PCDHGA2: variants seen among roughly 807,000 people sequenced by gnomAD.
PCDHGA2 encodes protocadherin gamma subfamily A, 2.
PCDHGA2 carries 40 observed loss-of-function variants against 59.2 expected under a neutral mutation model. The observed-to-expected ratio is 0.68, with a 90% CI of 0.52 to 0.88. The LOEUF (loss-of-function observed/expected upper bound fraction) is 0.88. Ranked by LOEUF, PCDHGA2 falls within the 40% of genes least tolerant of loss-of-function variation. PCDHGA2 has a pLI of 0.00. For synonymous variants in PCDHGA2, 560 were observed against 526.0 expected (o/e 1.06, Z -0.89); for missense variants, 1,226 against 1,204.0 (o/e 1.02, Z -0.27).
At chr5:141,383,967 C>G in intron 1 of PCDHGA2, 1 of 1,613,458 alleles carries the variant, frequency 6.2e-7, no homozygotes, top group Non-Finnish European at 8.5e-7. Context: ...GTAGCTCAAT[C>G]CCTGAAGACA....
chr5:141,410,329 G>A, intron 1 of PCDHGA2: 4 of 1,613,982 alleles, frequency 2.5e-6, no homozygotes, highest in Non-Finnish European at 3.4e-6. Flanking sequence ...CCGTGATTCT[G>A]GCCATTGCCT....
chr5:141,396,295 AG>A (rs1561657375), intron 1 of PCDHGA2: 1 of 151,978 alleles, frequency 6.6e-6, no homozygotes, highest in African/African-American at 2.4e-5. Flanking sequence ...ACTCCAGCCT[AG>A]GTGGCAGAAC....
At position 141,485,789 on chromosome 5, in the gene PCDHGA2, T is replaced by G. The variant is rs1276069810; in HGVS notation, c.2425-9018T>G. The G allele has an allele frequency of 1.2e-6, 2 of 1,613,978 alleles. No individual in the cohort carries two copies. The highest frequency in any genetic ancestry group is 1.7e-6 in the Non-Finnish European group (2 of 1,180,030). On this transcript the variant is annotated intron_variant, in intron 1 of 3. Coordinates refer to ENST00000394576, the MANE Select transcript of PCDHGA2 (RefSeq NM_018915.4). This position sits in a 1 kb window ranked among gnomAD's most constrained non-coding sequence, Gnocchi z 5.7. ...GAAGCCTTTGGATCGAGAGAAGCAATCGGACTACCGCCTGGTGCTGACTGC... is the reference window on the plus strand; with the variant it reads ...GAAGCCTTTGGATCGAGAGAAGCAAGCGGACTACCGCCTGGTGCTGACTGC...
chr5:141,498,251 C>A (rs1277949209), intron 2 of PCDHGA2, among the ~76,000 whole-genome samples: 1 of 152,178 alleles, frequency 6.6e-6, no homozygotes, highest in African/African-American at 2.4e-5. Flanking sequence ...CAAAGCAGGG[C>A]TGGTGTTGAG....
intron 1 of PCDHGA2, chr5:141,403,999 T>C (rs1399272947): frequency 3.1e-6 from 5 of 1,613,898 alleles, no homozygotes; most frequent in Non-Finnish European, 4.2e-6. Context: ...AAGTGACCAT[T>C]ACATCTCTGT....
At chr5:141,481,779 C>T (rs1367771159) in intron 1 of PCDHGA2, among the ~76,000 whole-genome samples, 2 of 152,092 alleles carry the variant, frequency 1.3e-5, no homozygotes, top group Non-Finnish European at 2.9e-5. Flanking sequence ...TGGTGAAACC[C>T]CGTCTCTACT....
chr5:141,392,836 C>G, intron 1 of PCDHGA2: 1 of 1,608,040 alleles, frequency 6.2e-7, no homozygotes, highest in Non-Finnish European at 8.5e-7. Flanking sequence ...CAGAGTCGCC[C>G]CAGACGCGGC....
intron 1 of PCDHGA2, chr5:141,370,655 C>G (rs746541169): frequency 1.9e-6 from 3 of 1,613,826 alleles, no homozygotes; most frequent in Admixed American, 3.3e-5. Flanking sequence ...TACTTGTGAG[C>G]GACCGTATAG....
intron 1 of PCDHGA2, chr5:141,343,863 C>G: frequency 5.3e-6 from 3 of 564,686 alleles, no homozygotes; most frequent in South Asian, 3.3e-5. Flanking sequence ...AAAGAACCAG[C>G]AAATCAGACT....
chr5:141,356,450 A>C, intron 1 of PCDHGA2: 1 of 1,613,120 alleles, frequency 6.2e-7, no homozygotes, highest in Non-Finnish European at 8.5e-7. Context: ...GAAGTCTCAG[A>C]ATATAACATC....
chr5:141,342,740 G>T (rs577566664), intron 1 of PCDHGA2: 8 of 152,320 alleles, frequency 5.3e-5, no homozygotes, highest in African/African-American at 1.4e-4. Context: ...CTTATGCATA[G>T]ATATGTAATG....
chr5:141,472,339 A>T (rs1330302365), intron 1 of PCDHGA2, among the ~76,000 whole-genome samples: 1 of 151,906 alleles, frequency 6.6e-6, no homozygotes, highest in Non-Finnish European at 1.5e-5. Flanking sequence ...TGGGAGATCG[A>T]GACCATCCTG....
chr5:141,371,769 G>C lies in PCDHGA2; in HGVS notation c.2424+30374G>C, dbSNP rs755229487. Reference sequence around the variant, plus strand: ...CGTTTTCCACCAGGCCTCCTACACCGTGCATGTAGCTGAGAACAATCCGCC... The same window carrying C: ...CGTTTTCCACCAGGCCTCCTACACCCTGCATGTAGCTGAGAACAATCCGCC... On this transcript the variant is annotated intron_variant, in intron 1 of 3. Transcript: ENST00000394576. 43 of 1,613,880 alleles carry C rather than the reference G, an allele frequency of 2.7e-5. No individual in the cohort carries two copies. Among genetic ancestry groups the C allele is most frequent in the Admixed American group, 6.7e-5 (4 of 60,016 alleles).
At chr5:141,408,378 TG>T (rs780092463) in intron 1 of PCDHGA2, 2 of 1,614,002 alleles carry the variant, frequency 1.2e-6, no homozygotes, top group Admixed American at 1.7e-5. Flanking sequence ...CTCAGTGTCC[TG>T]GATGTGTCGG....
intron 3 of PCDHGA2, among the ~76,000 whole-genome samples, chr5:141,506,300 T>G (rs2099852124): frequency 6.6e-6 from 1 of 151,976 alleles, no homozygotes; most frequent in East Asian, 1.9e-4. Flanking sequence ...AATACAAAAA[T>G]TAGCTGGGCA....
At chr5:141,458,513 G>GT (rs537551567) in intron 1 of PCDHGA2, among the ~76,000 whole-genome samples, 9,886 of 146,106 alleles carry the variant, frequency 0.068, 671 homozygotes, top group African/African-American at 0.18. Flanking sequence ...TTGACACTTT[G>GT]TTTTTTTTTT....
At chr5:141,421,159 C>G (rs2096549842) in intron 1 of PCDHGA2, 3 of 1,236,898 alleles carry the variant, frequency 2.4e-6, no homozygotes. Flanking sequence ...CCTAGGACTT[C>G]ATAGATACAT....
At chr5:141,466,871 T>G (rs1432611218) in intron 1 of PCDHGA2, among the ~76,000 whole-genome samples, 1 of 152,166 alleles carries the variant, frequency 6.6e-6, no homozygotes, top group Admixed American at 6.5e-5. Flanking sequence ...ATCCACACAT[T>G]TTTTTCATAA....
Position 141,361,628 on chromosome 5 carries a change from C to A in PCDHGA2, c.2424+20233C>A, listed in dbSNP as rs751712279. On this transcript the variant is annotated intron_variant, in intron 1 of 3. Coordinates refer to ENST00000394576, the MANE Select transcript of PCDHGA2 (RefSeq NM_018915.4). Reference sequence around the variant, plus strand: ...TCCATCGTAGCGAGCGACCTGAAGCCGCGGGAGATTTTATCCTACGTGTCC... The same window carrying A: ...TCCATCGTAGCGAGCGACCTGAAGCAGCGGGAGATTTTATCCTACGTGTCC... 3.1e-6 allele frequency: 5 copies of A among 1,613,906 alleles called. No individual in the cohort carries two copies. In the South Asian group the frequency reaches 4.4e-5, roughly 14 times the overall value.
Sources: allele counts gnomAD v4.1 joint callset (sites outside exome capture counted in the v4.1 genomes callset), GRCh38; gene constraint gnomAD v4.1.1; non-coding constraint Gnocchi (gnomAD v3.1); transcripts MANE v1.5; gene names NCBI Gene and HGNC (gene_info 2026-07-23, HGNC 2026-07-21).